Variants in MERTK observed in about 807,000 individuals in gnomAD.
MERTK encodes the protein MER proto-oncogene, tyrosine kinase.
A neutral mutation model predicts 99.3 loss-of-function variants in MERTK; 69 were observed. The ratio of observed to expected loss-of-function variants is 0.70; its 90% CI spans 0.57 to 0.85. The LOEUF is 0.85. MERTK is among the 40% of genes least tolerant of loss of function. MERTK has a pLI of 0.00. For missense variants in MERTK, 1,125 were observed against 1,249.4 expected (o/e 0.90, Z 1.50); for synonymous variants, 426 against 467.6 (o/e 0.91, Z 1.15).
At chr2:111,907,080 C>G (rs17042142) in intron 1 of MERTK, among the ~76,000 whole-genome samples, 5,397 of 152,146 alleles carry the variant, frequency 0.035, 309 homozygotes, top group African/African-American at 0.12. Flanking sequence ...AGACATCAGC[C>G]CAGAAACGGA....
chr2:111,951,605 T>C (rs1393304601), intron 4 of MERTK, among the ~76,000 whole-genome samples: 1 of 147,202 alleles, frequency 6.8e-6, no homozygotes, highest in African/African-American at 2.5e-5. Context: ...TTTCCGTGTC[T>C]AAGCTATTAT....
intron 4 of MERTK, among the ~76,000 whole-genome samples, chr2:111,955,637 T>A (rs1685134001): frequency 6.6e-6 from 1 of 152,222 alleles, no homozygotes; most frequent in African/African-American, 2.4e-5. Flanking sequence ...AAAGTCACTT[T>A]CCTGGTTTTG....
chr2:111,942,944 G>A (rs374134384), intron 2 of MERTK, among the ~76,000 whole-genome samples: 2 of 152,248 alleles, frequency 1.3e-5, no homozygotes, highest in East Asian at 1.9e-4. Flanking sequence ...GGTATTGTTG[G>A]GAAGAAGTAA....
chr2:111,905,380 A>C (rs929085559), intron 1 of MERTK, among the ~76,000 whole-genome samples: 1 of 151,650 alleles, frequency 6.6e-6, no homozygotes, highest in Non-Finnish European at 1.5e-5. Flanking sequence ...CAGAGTGATA[A>C]AGAAGAAAGG....
intron 1 of MERTK, among the ~76,000 whole-genome samples, chr2:111,911,264 A>G (rs1420190277): frequency 2.0e-5 from 3 of 151,874 alleles, no homozygotes; most frequent in Non-Finnish European, 2.9e-5. Flanking sequence ...TTGCTTTTTC[A>G]CTGTTTGTGA....
intron 3 of MERTK, among the ~76,000 whole-genome samples, chr2:111,945,872 C>T (rs926467241): frequency 6.6e-6 from 1 of 152,244 alleles, no homozygotes; most frequent in Non-Finnish European, 1.5e-5. Flanking sequence ...TTGTGCCCCT[C>T]CTCTCTGAGG....
chr2:112,022,516 G>A (rs1461145399), intron 18 of MERTK, 122 bp downstream of exon 18: 1 of 1,448,860 alleles, frequency 6.9e-7, no homozygotes, highest in South Asian at 1.1e-5. Context: ...GTGGGCATGT[G>A]CAGAGGGGTG....
intron 2 of MERTK, among the ~76,000 whole-genome samples, chr2:111,937,626 C>G (rs191904614): frequency 4.6e-5 from 7 of 151,964 alleles, no homozygotes; most frequent in Admixed American, 4.6e-4. Flanking sequence ...GGGGCTGATG[C>G]CTGTTGCCGG....
At chr2:111,996,800 A>G (rs779165591) in intron 9 of MERTK, 13 of 178,522 alleles carry the variant, frequency 7.3e-5, no homozygotes, top group Non-Finnish European at 1.2e-4. Flanking sequence ...ATCCAAACTT[A>G]GAAAGGAATG....
intron 4 of MERTK, among the ~76,000 whole-genome samples, chr2:111,962,237 G>A (rs970020403): frequency 2.0e-5 from 3 of 152,146 alleles, no homozygotes; most frequent in Non-Finnish European, 4.4e-5. Context: ...GTCGGGTGTG[G>A]TGGCTCACAC....
intron 6 of MERTK, among the ~76,000 whole-genome samples, chr2:111,974,769 C>CAAAAAAAAAA (rs35594851): frequency 4.3e-4 from 23 of 53,174 alleles, no homozygotes; most frequent in African/African-American, 6.6e-4. Context: ...AGGTCCATCT[C>CAAAAAAAAAA]AAAAAAAAAA....
At chr2:111,983,018 CG>C (rs1383089996) in intron 8 of MERTK, 25 bp downstream of exon 8, 4 of 1,594,862 alleles carry the variant, frequency 2.5e-6, no homozygotes, top group African/African-American at 2.8e-5. Flanking sequence ...TAGAAGAGCA[CG>C]ATTAGTCATC....
At position 111,969,853 on chromosome 2, in the gene MERTK, A is replaced by G. The variant is rs368101533; in HGVS notation, c.960+1601A>G. Among the ~76,000 whole-genome samples, 218 of 151,436 alleles carry G rather than the reference A, an allele frequency of 1.4e-3. 2 individuals are homozygous for G. The highest frequency in any genetic ancestry group is 4.6e-3 in the African/African-American group (191 of 41,300). ...ACTACAGGCCCCCGCCACCGCGCCCAGCTAATTTTTTGTATTTTTAGTAGA... is the reference window on the plus strand; with the variant it reads ...ACTACAGGCCCCCGCCACCGCGCCCGGCTAATTTTTTGTATTTTTAGTAGA... On this transcript the variant is annotated intron_variant, in intron 6 of 18. Transcript: ENST00000295408.
At chr2:111,930,694 G>A (rs2104688197) in intron 2 of MERTK, among the ~76,000 whole-genome samples, 1 of 152,308 alleles carries the variant, frequency 6.6e-6, no homozygotes, top group African/African-American at 2.4e-5. Flanking sequence ...GCTAGATGAG[G>A]TGGAGGGTTG....
At chr2:111,993,627 G>A (rs1299985247) in intron 8 of MERTK, among the ~76,000 whole-genome samples, 1 of 152,152 alleles carries the variant, frequency 6.6e-6, no homozygotes, top group Non-Finnish European at 1.5e-5. Context: ...GGAGGAAGGT[G>A]TTGTATAAAC....
At chr2:111,992,525 G>A (rs1676643961) in intron 8 of MERTK, among the ~76,000 whole-genome samples, 1 of 152,128 alleles carries the variant, frequency 6.6e-6, no homozygotes, top group Non-Finnish European at 1.5e-5. Flanking sequence ...GGCTGAGGCA[G>A]GTGGATCGCC....
intron 4 of MERTK, among the ~76,000 whole-genome samples, chr2:111,957,142 T>G (rs1181065858): frequency 6.6e-6 from 1 of 151,934 alleles, no homozygotes; most frequent in Non-Finnish European, 1.5e-5. Context: ...TTAGCCAGGA[T>G]GGTCTCGATC....
chr2:112,017,537 G>A (rs900424845), intron 15 of MERTK, among the ~76,000 whole-genome samples: 1 of 152,058 alleles, frequency 6.6e-6, no homozygotes, highest in African/African-American at 2.4e-5. Context: ...GGCTGAGGCA[G>A]GAGAATCGCT....
intron 13 of MERTK, among the ~76,000 whole-genome samples, chr2:112,004,771 G>A (rs1420601108): frequency 2.0e-5 from 3 of 152,042 alleles, no homozygotes; most frequent in East Asian, 1.9e-4. Context: ...TTAGCCGGGC[G>A]TGGTGACACA....
Sources: gnomAD v4.1 joint callset for allele counts (sites outside exome capture counted in the v4.1 genomes callset) on GRCh38, gnomAD v4.1.1 for gene constraint, MANE v1.5 for transcripts, NCBI Gene and HGNC (gene_info 2026-07-23, HGNC 2026-07-21) for gene names.